Variants in DIAPH2 observed in about 807,000 individuals in gnomAD.
DIAPH2 encodes protein diaphanous homolog 2.
A neutral mutation model predicts 92.7 loss-of-function variants in DIAPH2; 35 were observed. The observed-to-expected ratio is 0.38, with a 90% CI of 0.29 to 0.50. The LOEUF (loss-of-function observed/expected upper bound fraction) is 0.50, where lower values mean the gene tolerates loss of function less well. Among genes scored for constraint, DIAPH2 ranks in the 20% least tolerant of loss-of-function variants. The pLI, the probability that DIAPH2 is intolerant of heterozygous loss-of-function variation, is 0.94. For synonymous variants in DIAPH2, 301 were observed against 280.4 expected, an observed-to-expected ratio of 1.07 and a Z score of -0.73; for missense variants, 701 against 819.5, an observed-to-expected ratio of 0.86 and a Z score of 1.77.
intron 26 of DIAPH2, among the ~76,000 whole-genome samples, chrX:97,494,141 A>G (rs1426219805): frequency 9.5e-6 from 1 of 105,115 alleles, no homozygotes; most frequent in Non-Finnish European, 1.9e-5. Context: ...GTGTGTGTAT[A>G]TATGTATACA....
intron 23 of DIAPH2, among the ~76,000 whole-genome samples, chrX:97,320,099 CA>C (rs763311457): frequency 0.028 from 2,310 of 82,332 alleles, 26 homozygotes; most frequent in Middle Eastern, 0.052. Context: ...GACTCTGTCT[CA>C]AAAAAAAAAT....
intron 23 of DIAPH2, among the ~76,000 whole-genome samples, chrX:97,276,048 G>T (rs2068447993): frequency 8.9e-6 from 1 of 112,921 alleles, no homozygotes; most frequent in African/African-American, 3.2e-5. Context: ...GCCGAGGCTG[G>T]CAGATCACTC....
intron 4 of DIAPH2, among the ~76,000 whole-genome samples, chrX:96,817,743 T>A (rs910654019): frequency 4.6e-5 from 5 of 109,454 alleles, no homozygotes; most frequent in African/African-American, 1.7e-4. Context: ...CTGGGGTCCC[T>A]AATAGGGGCG....
intron 4 of DIAPH2, chrX:96,793,745 T>TA (rs1201662779): frequency 1.0e-5 from 3 of 293,369 alleles, no homozygotes; most frequent in African/African-American, 5.5e-5. Flanking sequence ...CACCTCCTAA[T>TA]ACAATCACAT....
intron 23 of DIAPH2, among the ~76,000 whole-genome samples, chrX:97,323,202 A>G (rs1287403814): frequency 1.9e-5 from 2 of 105,369 alleles, no homozygotes; most frequent in Non-Finnish European, 3.9e-5. Flanking sequence ...CACCGCACCC[A>G]GCCCCTGAGC....
chrX:96,969,395 A>G (rs115216487), intron 17 of DIAPH2, among the ~76,000 whole-genome samples: 3,828 of 109,995 alleles, frequency 0.035, 166 homozygotes, highest in African/African-American at 0.12. Flanking sequence ...TGTGTCATTC[A>G]TTATTTCTTT....
chrX:97,141,885 T>A (rs2067210970), intron 22 of DIAPH2, 91 bp downstream of exon 22: 2 of 994,722 alleles, frequency 2.0e-6, no homozygotes, highest in Non-Finnish European at 2.7e-6. Flanking sequence ...TTCATAAAAG[T>A]ATTTTTTGTT....
intron 26 of DIAPH2, among the ~76,000 whole-genome samples, chrX:97,496,789 C>A (rs1305051613): frequency 9.1e-6 from 1 of 109,350 alleles, no homozygotes; most frequent in African/African-American, 3.3e-5. Context: ...CCGCCCACAT[C>A]GGCCTCCCAA....
At chrX:97,597,787 T>C (rs190071905) in intron 26 of DIAPH2, among the ~76,000 whole-genome samples, 3 of 111,959 alleles carry the variant, frequency 2.7e-5, no homozygotes, top group African/African-American at 9.8e-5. Context: ...TTGTGATCCA[T>C]ATCTCAAACT....
intron 4 of DIAPH2, among the ~76,000 whole-genome samples, chrX:96,879,790 C>T (rs1356039952): frequency 2.7e-5 from 3 of 109,850 alleles, no homozygotes; most frequent in Non-Finnish European, 5.7e-5. Flanking sequence ...AGTGCTGTGG[C>T]GGGATCTCAG....
intron 26 of DIAPH2, among the ~76,000 whole-genome samples, chrX:97,515,923 C>T (rs998872726): frequency 9.0e-6 from 1 of 111,367 alleles, no homozygotes; most frequent in Non-Finnish European, 1.9e-5. Context: ...GTGAATTCTA[C>T]ATCTGAAGGA....
chrX:96,965,100 C>T lies in DIAPH2; in HGVS notation c.1943C>T (p.Pro648Leu), dbSNP rs778026515. The change falls in exon 17 of 27, where the codon CCC becomes CTC. Residue 648 changes from proline (P) to leucine (L), a missense_variant. Pro to Leu is a moderately conservative substitution (Grantham distance 98). Coordinates refer to ENST00000324765, the MANE Select transcript of DIAPH2 (RefSeq NM_006729.5). ...TTGTTATTTTTGTTTCAGATTGAAC[C>T]CACAGAATTATCTGAGAACTGTTTC... ...MKRINWSKIE[P>L]TELSENCFWL... The T allele has an allele frequency of 8.4e-7, 1 of 1,190,120 alleles. No homozygotes were observed.
intron 22 of DIAPH2, among the ~76,000 whole-genome samples, chrX:97,149,730 CAAA>C (rs55853481): frequency 6.4e-5 from 2 of 31,111 alleles, no homozygotes; most frequent in African/African-American, 2.0e-4. Context: ...GACTCCATCT[CAAA>C]AAAAAAAAAA....
At chrX:97,412,091 A>G (rs1397101512) in intron 25 of DIAPH2, among the ~76,000 whole-genome samples, 1 of 112,301 alleles carries the variant, frequency 8.9e-6, no homozygotes, top group Non-Finnish European at 1.9e-5. Context: ...CGAAATCAAC[A>G]GAATATGCAT....
At chrX:96,883,671 C>T (rs1350412459) in intron 5 of DIAPH2, among the ~76,000 whole-genome samples, 2 of 110,973 alleles carry the variant, frequency 1.8e-5, no homozygotes, top group Middle Eastern at 4.7e-3. Context: ...TGAGCCACTG[C>T]GCCCGGCCTG....
intron 4 of DIAPH2, among the ~76,000 whole-genome samples, chrX:96,859,424 C>G (rs1449927691): frequency 3.6e-5 from 4 of 109,672 alleles, no homozygotes; most frequent in Non-Finnish European, 7.6e-5. Flanking sequence ...GATTATTATA[C>G]AGATGGAAGA....
chrX:97,485,128 T>C (rs757122287), intron 26 of DIAPH2, among the ~76,000 whole-genome samples: 1 of 112,001 alleles, frequency 8.9e-6, no homozygotes, highest in Admixed American at 9.4e-5. Context: ...GGGATGTCAA[T>C]GTGATACTGT....
At chrX:97,129,456 T>C (rs2067122938) in intron 21 of DIAPH2, among the ~76,000 whole-genome samples, 1 of 110,923 alleles carries the variant, frequency 9.0e-6, no homozygotes, top group African/African-American at 3.3e-5. Context: ...TGAGCCGCTG[T>C]GCCTGGCCAT....
At chrX:97,154,968 A>G (rs1227141497) in intron 22 of DIAPH2, among the ~76,000 whole-genome samples, 1 of 112,239 alleles carries the variant, frequency 8.9e-6, no homozygotes, top group African/African-American at 3.2e-5. Context: ...CATGGATAGA[A>G]CATTTTCGTA....
Sources: allele counts gnomAD v4.1 joint callset (sites outside exome capture counted in the v4.1 genomes callset), GRCh38; gene constraint gnomAD v4.1.1; transcripts MANE v1.5; gene names NCBI Gene and HGNC (gene_info 2026-07-23, HGNC 2026-07-21).